PPIC: variants seen among roughly 807,000 people sequenced by gnomAD.
PPIC encodes the protein peptidylprolyl isomerase C, also known as peptidyl-prolyl cis-trans isomerase C.
In PPIC, 19 loss-of-function variants were observed where a neutral mutation model predicts 19.5. The observed-to-expected ratio is 0.98, with a 90% CI of 0.68 to 1.43. The LOEUF (loss-of-function observed/expected upper bound fraction) is 1.43. Ranked by LOEUF, PPIC falls within the 40% of genes most tolerant of loss-of-function variation. The pLI is 0.00. For synonymous variants in PPIC, 107 were observed against 101.2 expected (o/e 1.06, Z -0.34); for missense variants, 268 against 268.6 (o/e 1.00, Z 0.02).
chr5:123,026,112 T>C, intron 3 of PPIC, 144 bp from the exon 4 acceptor site: 1 of 684,586 alleles, frequency 1.5e-6, no homozygotes. Context: ...TAAGCAGACA[T>C]GAAGGAGGGA....
intron 2 of PPIC, 200 bp from the exon 3 acceptor site, chr5:123,029,068 T>A: frequency 1.2e-6 from 1 of 846,212 alleles, no homozygotes; most frequent in Non-Finnish European, 1.8e-6. Flanking sequence ...AGAGTATTAA[T>A]GTGAATAAGT....
In PPIC at chr5:123,023,945, T is replaced by C. The variant is rs451195; in HGVS notation, c.569A>G (p.Asn190Ser). 0.3 allele frequency: 481,267 copies of C among 1,613,562 alleles called. 78,499 individuals are homozygous for C. The highest frequency in any genetic ancestry group is 0.34 in the Non-Finnish European group (402,967 of 1,179,756). Residue 190 changes from asparagine (N) to serine (S), a missense_variant, in exon 5 of 5, where the codon AAC becomes AGC. Transcript: ENST00000306442. ...ATDGHDRPLT[N>S]CSIINSGKID... ...CTTGCCACTGTTGATGATCGAGCAG[T>C]TGGTGAGTGGACGGTCATGCCCATC... is the stretch of plus-strand genomic sequence containing the variant.
intron 4 of PPIC, among the ~76,000 whole-genome samples, chr5:123,024,469 C>G (rs1299493545): frequency 1.3e-5 from 2 of 152,092 alleles, no homozygotes; most frequent in Non-Finnish European, 2.9e-5. Flanking sequence ...CTAGGTTTGT[C>G]CATTTTAAAG....
chr5:123,029,772 C>T (rs1200656522), intron 1 of PPIC, among the ~76,000 whole-genome samples: 6 of 152,148 alleles, frequency 3.9e-5, no homozygotes, highest in Non-Finnish European at 8.8e-5. Flanking sequence ...CATTTCCTGG[C>T]TTTATGGATG....
intron 3 of PPIC, among the ~76,000 whole-genome samples, chr5:123,026,620 T>C (rs1762858398): frequency 6.6e-6 from 1 of 152,224 alleles, no homozygotes; most frequent in African/African-American, 2.4e-5. Context: ...TAGCAGCTGA[T>C]CTGGAAGTTG....
intron 1 of PPIC, among the ~76,000 whole-genome samples, chr5:123,034,713 T>C (rs1322614497): frequency 1.3e-5 from 2 of 152,226 alleles, no homozygotes; most frequent in African/African-American, 2.4e-5. Flanking sequence ...TCCTGTATTT[T>C]ATTTGGCAAT....
Position 123,023,836 on chromosome 5 carries a change from A to C in PPIC, c.*39T>G, listed in dbSNP as rs534440216. 2.6e-5 allele frequency: 41 copies of C among 1,602,828 alleles called. No individual in the cohort carries two copies. The East Asian group carries it at 2.9e-4, about 11-fold the overall frequency. On this transcript the variant is annotated 3_prime_UTR_variant, in exon 5 of 5. Coordinates refer to ENST00000306442, the MANE Select transcript of PPIC (RefSeq NM_000943.5). ...CACACACACACACACACACACACACACCCCTGCCAAAGCATATCCTTGTTT... is the reference window on the plus strand; with the variant it reads ...CACACACACACACACACACACACACCCCCCTGCCAAAGCATATCCTTGTTT...
Position 123,036,416 on chromosome 5 carries a change from C to G in PPIC, c.117+93G>C, listed in dbSNP as rs1330265552. ...CCCCCTGCGCCCGGGAAGCCTCCAC[C>G]TCGCCCGCCCTGACACCGAGGTCCC... is the stretch of plus-strand genomic sequence containing the variant. On this transcript the variant is annotated intron_variant, in intron 1 of 4. Coordinates refer to ENST00000306442, the MANE Select transcript of PPIC (RefSeq NM_000943.5). This position sits in a 1 kb window ranked among gnomAD's most constrained non-coding sequence, Gnocchi z 4.5. 2 of 1,212,550 alleles carry G rather than the reference C, an allele frequency of 1.6e-6. No homozygotes were observed. The highest frequency in any genetic ancestry group is 2.5e-5 in the East Asian group (1 of 40,514). 75.1% of individuals were successfully genotyped at this position (1,212,550 alleles called of 1,614,324 possible). A position where few individuals can be genotyped will look rare whatever the true frequency, so the allele number is the denominator to read the frequency against.
chr5:123,027,539 C>T (rs1157131071), intron 3 of PPIC, among the ~76,000 whole-genome samples: 1 of 152,178 alleles, frequency 6.6e-6, no homozygotes, highest in Admixed American at 6.5e-5. Context: ...CGAGCGTCCT[C>T]AGCAAATCCC....
chr5:123,034,961 C>A (rs1762986351), intron 1 of PPIC, among the ~76,000 whole-genome samples: 1 of 152,168 alleles, frequency 6.6e-6, no homozygotes, highest in Non-Finnish European at 1.5e-5. Context: ...TGCTTAAAAC[C>A]CTTCAGTGGC....
intron 1 of PPIC, among the ~76,000 whole-genome samples, chr5:123,032,535 A>G (rs1388998565): frequency 6.6e-6 from 1 of 152,192 alleles, no homozygotes; most frequent in Non-Finnish European, 1.5e-5. Context: ...GGGCACACAC[A>G]TTCCTAGACA....
intron 3 of PPIC, among the ~76,000 whole-genome samples, chr5:123,028,311 G>A (rs1358174484): frequency 6.6e-6 from 1 of 152,300 alleles, no homozygotes; most frequent in East Asian, 1.9e-4. Flanking sequence ...TATGATGAAA[G>A]ATTTTGAAAG....
intron 2 of PPIC, 40 bp from the exon 3 acceptor site, chr5:123,028,908 C>G: frequency 6.8e-7 from 1 of 1,477,278 alleles, no homozygotes; most frequent in Non-Finnish European, 9.4e-7. Flanking sequence ...GTAACAGAGG[C>G]CATACTGAAA....
intron 4 of PPIC, 140 bp downstream of exon 4, chr5:123,025,644 T>C: frequency 1.2e-6 from 1 of 828,246 alleles, no homozygotes. Flanking sequence ...CCATACCATA[T>C]ATAATTTATT....
chr5:123,034,364 T>G (rs2150190948), intron 1 of PPIC, among the ~76,000 whole-genome samples: 1 of 152,236 alleles, frequency 6.6e-6, no homozygotes, highest in South Asian at 2.1e-4. Context: ...GAGAGTAGGG[T>G]GCATGCAAAC....
chr5:123,029,655 A>G (rs1762917950), intron 1 of PPIC, among the ~76,000 whole-genome samples: 1 of 152,186 alleles, frequency 6.6e-6, no homozygotes, highest in Non-Finnish European at 1.5e-5. Context: ...CAGGCACTGT[A>G]CCAGGTATTG....
At chr5:123,032,926 G>T (rs552678737) in intron 1 of PPIC, among the ~76,000 whole-genome samples, 1 of 152,212 alleles carries the variant, frequency 6.6e-6, no homozygotes, top group Non-Finnish European at 1.5e-5. Context: ...AAATTACTCG[G>T]CATTGGAGAT....
At chr5:123,025,146 A>T (rs45528438) in intron 4 of PPIC, among the ~76,000 whole-genome samples, 13 of 152,086 alleles carry the variant, frequency 8.5e-5, no homozygotes, top group African/African-American at 3.1e-4. Flanking sequence ...TTTTATTTTT[A>T]ATTCTGGTAA....
Position 123,025,983 on chromosome 5 carries a change from G to T in PPIC, c.326-15C>A. The T allele has an allele frequency of 6.3e-7, 1 of 1,574,908 alleles. No individual in the cohort carries two copies. Among genetic ancestry groups the T allele is most frequent in the Non-Finnish European group, 8.6e-7 (1 of 1,163,388 alleles). ...GATGCTCACACCTGAGACAAAACAA[G>T]GAAGAAAGTCAACAGATGTCTTCCA... is the stretch of plus-strand genomic sequence containing the variant. On this transcript the variant is annotated splice_polypyrimidine_tract_variant and intron_variant, in intron 3 of 4. Coordinates refer to ENST00000306442, the MANE Select transcript of PPIC (RefSeq NM_000943.5).
Sources: gnomAD v4.1 joint callset for allele counts (sites outside exome capture counted in the v4.1 genomes callset) on GRCh38, gnomAD v4.1.1 for gene constraint, Gnocchi (gnomAD v3.1) non-coding constraint, MANE v1.5 for transcripts, NCBI Gene and HGNC (gene_info 2026-07-23, HGNC 2026-07-21) for gene names.